The following CSMD1 variants were observed in gnomAD, a reference collection of about 807,000 sequenced individuals.
CSMD1 encodes the protein CUB and Sushi multiple domains 1, also known as CUB and sushi domain-containing protein 1.
A neutral mutation model predicts 417.5 loss-of-function variants in CSMD1; 213 were observed. The observed-to-expected ratio is 0.51, with a 90% CI of 0.46 to 0.57. The LOEUF (loss-of-function observed/expected upper bound fraction) is 0.57. Among genes scored for constraint, CSMD1 ranks in the 20% least tolerant of loss-of-function variants. The pLI is 0.00. For missense variants in CSMD1, 6,923 were observed against 4,529.7 expected (o/e 1.53, Z -15.17); for synonymous variants, 2,862 against 1,736.8 (o/e 1.65, Z -16.11).
chr8:4,258,741 G>A (rs1803662653), intron 3 of CSMD1, among the ~76,000 whole-genome samples: 1 of 151,966 alleles, frequency 6.6e-6, no homozygotes, highest in Non-Finnish European at 1.5e-5. Flanking sequence ...AATGTATGAG[G>A]ACACAGACAT....
At chr8:3,284,447 C>A (rs1802990384) in intron 25 of CSMD1, 101 bp from the exon 26 acceptor site, 1 of 812,362 alleles carries the variant, frequency 1.2e-6, no homozygotes. Flanking sequence ...ACACAACCCC[C>A]ACCAACATGT....
At chr8:4,817,518 C>A (rs1225829317) in intron 1 of CSMD1, among the ~76,000 whole-genome samples, 4 of 152,288 alleles carry the variant, frequency 2.6e-5, no homozygotes, top group South Asian at 2.1e-4. Context: ...CAGCCACAGG[C>A]AAAAGGCCAA....
intron 7 of CSMD1, among the ~76,000 whole-genome samples, chr8:3,628,612 G>C (rs1019750323): frequency 6.6e-6 from 1 of 152,152 alleles, no homozygotes; most frequent in Non-Finnish European, 1.5e-5. Flanking sequence ...GAGGAAGAGG[G>C]AGTGTCTCAG....
chr8:4,340,293 G>A (rs566669260), intron 3 of CSMD1, among the ~76,000 whole-genome samples: 52 of 152,062 alleles, frequency 3.4e-4, no homozygotes, highest in Non-Finnish European at 5.9e-4. Context: ...AGTCATCTGT[G>A]TTTGCAAGGC....
chr8:4,138,204 C>CCT (rs1803554335), intron 3 of CSMD1, among the ~76,000 whole-genome samples: 1 of 109,630 alleles, frequency 9.1e-6, no homozygotes, highest in African/African-American at 3.6e-5. Context: ...CGCAGCCTTA[C>CCT]ATTTTTTTTT....
At chr8:4,412,091 G>C (rs112809363) in intron 3 of CSMD1, among the ~76,000 whole-genome samples, 24 of 152,006 alleles carry the variant, frequency 1.6e-4, no homozygotes, top group African/African-American at 4.1e-4. Flanking sequence ...ACGTGCAAGA[G>C]TGCGTGCGTG....
At chr8:3,564,303 A>C (rs1799600750) in intron 10 of CSMD1, among the ~76,000 whole-genome samples, 1 of 149,754 alleles carries the variant, frequency 6.7e-6, no homozygotes, top group African/African-American at 2.5e-5. Flanking sequence ...TAAATCCTGT[A>C]AACTTTTCTC....
At chr8:3,187,710 T>C (rs1357119352) in intron 36 of CSMD1, among the ~76,000 whole-genome samples, 159 bp downstream of exon 36, 1 of 152,162 alleles carries the variant, frequency 6.6e-6, no homozygotes, top group Non-Finnish European at 1.5e-5. Context: ...TGTTTCTTGA[T>C]GGTCTTACTC....
chr8:4,311,330 T>A (rs1402384398), intron 3 of CSMD1, among the ~76,000 whole-genome samples: 1 of 152,150 alleles, frequency 6.6e-6, no homozygotes, highest in Non-Finnish European at 1.5e-5. Context: ...TAAAAAGGAA[T>A]GCGATCAAGT....
At chr8:3,525,107 G>A (rs1413985412) in intron 10 of CSMD1, among the ~76,000 whole-genome samples, 3 of 152,038 alleles carry the variant, frequency 2.0e-5, no homozygotes, top group Non-Finnish European at 4.4e-5. Flanking sequence ...CAAGCTCAAA[G>A]TTACACACAT....
At chr8:4,278,032 C>T (rs983833544) in intron 3 of CSMD1, among the ~76,000 whole-genome samples, 8 of 152,226 alleles carry the variant, frequency 5.3e-5, no homozygotes, top group Middle Eastern at 6.8e-3. Flanking sequence ...CAAGCATGAG[C>T]CACGGCGCCC....
chr8:4,083,028 G>C (rs1053863762), intron 3 of CSMD1, among the ~76,000 whole-genome samples: 4 of 151,684 alleles, frequency 2.6e-5, no homozygotes, highest in African/African-American at 4.8e-5. Flanking sequence ...TGGACATTTG[G>C]GTTTGTTCCA....
intron 2 of CSMD1, among the ~76,000 whole-genome samples, chr8:4,457,856 G>A (rs966078956): frequency 6.6e-6 from 1 of 152,024 alleles, no homozygotes; most frequent in Non-Finnish European, 1.5e-5. Flanking sequence ...CCGAGGCTTG[G>A]CACCTCCCCT....
In CSMD1 at chr8:3,757,719, G is replaced by A. The variant is rs145917763; in HGVS notation, c.819-3677C>T. 9.0e-3 allele frequency among the ~76,000 whole-genome samples: 1,375 copies of A among 152,070 alleles called. 11 individuals are homozygous for A. The highest frequency in any genetic ancestry group is 0.024 in the Middle Eastern group (7 of 294). On this transcript the variant is annotated intron_variant, in intron 5 of 69. Transcript: ENST00000635120. ...CTCTACTTAGCTGGGCATGGTGGCA[G>A]GCACAGGTAATCCTAGATAATCGGG...
At chr8:3,365,352 G>C (rs181437033) in intron 20 of CSMD1, among the ~76,000 whole-genome samples, 2 of 152,192 alleles carry the variant, frequency 1.3e-5, no homozygotes, top group Non-Finnish European at 2.9e-5. Flanking sequence ...GTATAAAGTA[G>C]TTCAGAGCAT....
intron 23 of CSMD1, among the ~76,000 whole-genome samples, chr8:3,330,962 G>A (rs73171179): frequency 0.12 from 18,839 of 152,068 alleles, 1,701 homozygotes; most frequent in African/African-American, 0.26. Flanking sequence ...TAAAAGAAAA[G>A]CAACAGTGCC....
At chr8:2,998,292 GT>G (rs1807092733) in intron 53 of CSMD1, 108 bp from the exon 54 acceptor site, 1 of 1,105,126 alleles carries the variant, frequency 9.0e-7, no homozygotes, top group African/African-American at 1.6e-5. Flanking sequence ...TGGACTGAAG[GT>G]TTTCCACTAA....
At chr8:3,340,161 G>C (rs958411558) in intron 23 of CSMD1, among the ~76,000 whole-genome samples, 1 of 152,148 alleles carries the variant, frequency 6.6e-6, no homozygotes, top group African/African-American at 2.4e-5. Flanking sequence ...CTGGTATTCA[G>C]TTAGAAGGCC....
intron 25 of CSMD1, among the ~76,000 whole-genome samples, chr8:3,293,169 C>T (rs1435350299): frequency 2.6e-5 from 4 of 152,124 alleles, no homozygotes; most frequent in Admixed American, 1.3e-4. Flanking sequence ...TCTCTTCTGG[C>T]TTGTAGAGTT....
Sources: allele counts gnomAD v4.1 joint callset (sites outside exome capture counted in the v4.1 genomes callset), GRCh38; gene constraint gnomAD v4.1.1; transcripts MANE v1.5; gene names NCBI Gene and HGNC (gene_info 2026-07-23, HGNC 2026-07-21).